MACROD2: variants seen among roughly 807,000 people sequenced by gnomAD.
MACROD2 encodes ADP-ribose glycohydrolase MACROD2.
Under a neutral mutation model 70.4 loss-of-function variants are expected in MACROD2, and 36 were observed. The ratio of observed to expected loss-of-function variants is 0.51; its 90% CI spans 0.39 to 0.68. The LOEUF (loss-of-function observed/expected upper bound fraction) is 0.68, where lower values mean the gene tolerates loss of function less well. MACROD2 is among the 30% of genes least tolerant of loss of function. The pLI is 0.00. For missense variants in MACROD2, 496 were observed against 538.4 expected (o/e 0.92, Z 0.78); for synonymous variants, 172 against 178.8 (o/e 0.96, Z 0.30).
intron 4 of MACROD2, among the ~76,000 whole-genome samples, chr20:14,643,634 G>C (rs1171817570): frequency 6.6e-6 from 1 of 152,150 alleles, no homozygotes; most frequent in Non-Finnish European, 1.5e-5. Flanking sequence ...TTAAAAGAAA[G>C]AGGAAAAGAA....
At chr20:15,811,000 G>A in intron 8 of MACROD2, among the ~76,000 whole-genome samples, 1 of 148,010 alleles carries the variant, frequency 6.8e-6, no homozygotes. Context: ...GAAAACCTAG[G>A]CATTACCATT....
At chr20:14,256,683 C>T (rs1360318762) in intron 3 of MACROD2, among the ~76,000 whole-genome samples, 1 of 152,104 alleles carries the variant, frequency 6.6e-6, no homozygotes, top group Admixed American at 6.6e-5. Context: ...TGGAAAGTTT[C>T]TTGTGTCTAG....
rs150082688 is a variant in MACROD2, at chr20:14,122,867, A to G, written c.271+37139A>G. The stretch of plus-strand genomic sequence containing the variant: ...TCTCATCCACACAGTGACTGTGTCT[A>G]TCTATCTGGCCCATAAAACTCCTTT... On this transcript the variant is annotated intron_variant, in intron 3 of 17. Coordinates refer to ENST00000684519, the MANE Select transcript of MACROD2 (RefSeq NM_001351661.2). Among the ~76,000 whole-genome samples, 1,167 of 152,226 alleles carry G rather than the reference A, an allele frequency of 7.7e-3. 33 individuals are homozygous for G. Among genetic ancestry groups the G allele is most frequent in the Non-Finnish European group, 6.7e-3 (456 of 68,022 alleles).
At chr20:14,955,246 T>C in intron 5 of MACROD2, among the ~76,000 whole-genome samples, 1 of 138,564 alleles carries the variant, frequency 7.2e-6, no homozygotes, top group East Asian at 2.1e-4. Flanking sequence ...TTATTATATA[T>C]AATTTATATA....
intron 8 of MACROD2, among the ~76,000 whole-genome samples, chr20:15,797,186 T>A (rs942202626): frequency 2.0e-5 from 3 of 152,150 alleles, no homozygotes; most frequent in African/African-American, 7.2e-5. Flanking sequence ...TGATCTCGGC[T>A]CACTGCAAGC....
chr20:14,862,041 A>ATATATATT lies in MACROD2; in HGVS notation c.418+177089_418+177090insTTATATAT, dbSNP rs1555839543. Among the ~76,000 whole-genome samples, 85 of 11,070 alleles carry ATATATATT rather than the reference A, an allele frequency of 7.7e-3. 9 individuals are homozygous for ATATATATT. Among genetic ancestry groups the ATATATATT allele is most frequent in the East Asian group, 0.026 (4 of 154 alleles). 7.3% of individuals were successfully genotyped at this position (11,070 alleles called of 152,430 possible). On this transcript the variant is annotated intron_variant, in intron 5 of 17. Transcript: ENST00000684519. ...TATTTATATATATTTATATATATTT[A>ATATATATT]TATATATATTTATATATATATAAAT...
At chr20:15,317,409 G>A (rs955284630) in intron 6 of MACROD2, among the ~76,000 whole-genome samples, 4 of 152,016 alleles carry the variant, frequency 2.6e-5, no homozygotes, top group Non-Finnish European at 4.4e-5. Context: ...ACTGACTCAA[G>A]AAGAAACATT....
chr20:14,691,098 A>C (rs994540623), intron 5 of MACROD2, among the ~76,000 whole-genome samples: 3 of 152,000 alleles, frequency 2.0e-5, no homozygotes, highest in Non-Finnish European at 2.9e-5. Flanking sequence ...TTGTATGTTT[A>C]CTAGAGCTGG....
chr20:14,031,571 T>C (rs746664117), intron 2 of MACROD2, among the ~76,000 whole-genome samples: 1 of 152,170 alleles, frequency 6.6e-6, no homozygotes, highest in Non-Finnish European at 1.5e-5. Flanking sequence ...TTGATTTATG[T>C]TGTGTGATGA....
intron 6 of MACROD2, among the ~76,000 whole-genome samples, chr20:15,328,025 A>G (rs977494771): frequency 7.2e-5 from 11 of 152,134 alleles, no homozygotes; most frequent in African/African-American, 2.7e-4. Flanking sequence ...GATAAGTAGA[A>G]TATATATTTT....
intron 5 of MACROD2, among the ~76,000 whole-genome samples, chr20:15,109,863 A>G (rs190580527): frequency 1.3e-5 from 2 of 152,130 alleles, no homozygotes; most frequent in African/African-American, 4.8e-5. Flanking sequence ...CATGAATAAT[A>G]TTTTTCACAA....
At chr20:15,396,409 G>A (rs755843744) in intron 6 of MACROD2, among the ~76,000 whole-genome samples, 8 of 152,180 alleles carry the variant, frequency 5.3e-5, no homozygotes, top group Non-Finnish European at 1.0e-4. Context: ...TCTCATGTGA[G>A]ATCGTATTTG....
chr20:15,516,932 A>T (rs540721456), intron 8 of MACROD2, among the ~76,000 whole-genome samples: 1 of 152,296 alleles, frequency 6.6e-6, no homozygotes, highest in African/African-American at 2.4e-5. Context: ...ACTTATGCTC[A>T]TCTTGACTTT....
chr20:15,402,498 A>T (rs1459727200), intron 6 of MACROD2, among the ~76,000 whole-genome samples: 3 of 152,244 alleles, frequency 2.0e-5, no homozygotes, highest in Non-Finnish European at 4.4e-5. Flanking sequence ...CAGGGGATTC[A>T]TAGGGATGGC....
chr20:14,249,127 G>A (rs1204763246), intron 3 of MACROD2, among the ~76,000 whole-genome samples: 2 of 124,320 alleles, frequency 1.6e-5, no homozygotes, highest in East Asian at 5.1e-4. Context: ...TGATTTCAAA[G>A]GTTTTTTTTT....
chr20:15,691,869 C>G (rs2050303406), intron 8 of MACROD2, among the ~76,000 whole-genome samples: 1 of 152,190 alleles, frequency 6.6e-6, no homozygotes, highest in African/African-American at 2.4e-5. Context: ...TTTTCTGAAT[C>G]TGTTCTCACC....
chr20:14,813,170 A>G (rs935487392), intron 5 of MACROD2, among the ~76,000 whole-genome samples: 1 of 151,914 alleles, frequency 6.6e-6, no homozygotes, highest in Non-Finnish European at 1.5e-5. Flanking sequence ...ATGAAAATTA[A>G]TAATTTCTTT....
rs988859939 is a variant in MACROD2, at chr20:14,703,947, C to G, written c.418+18988C>G. On this transcript the variant is annotated intron_variant, in intron 5 of 17. Coordinates refer to ENST00000684519, the MANE Select transcript of MACROD2 (RefSeq NM_001351661.2). ...TTTACCATATTCCCCAAACTGGTCT[C>G]GGACTCCTGACCTCAAGTGATCTGC... Among the ~76,000 whole-genome samples the G allele has an allele frequency of 2.6e-5, 4 of 151,978 alleles. No individual in the cohort carries two copies. In the East Asian group the frequency reaches 7.8e-4, roughly 30 times the overall value.
At chr20:14,038,061 G>A (rs1293081962) in intron 2 of MACROD2, among the ~76,000 whole-genome samples, 1 of 152,132 alleles carries the variant, frequency 6.6e-6, no homozygotes, top group Non-Finnish European at 1.5e-5. Flanking sequence ...TTGGGAGGCC[G>A]AGGCAGTGGA....
Sources: gnomAD v4.1 joint callset for allele counts (sites outside exome capture counted in the v4.1 genomes callset) on GRCh38, gnomAD v4.1.1 for gene constraint, MANE v1.5 for transcripts, NCBI Gene and HGNC (gene_info 2026-07-23, HGNC 2026-07-21) for gene names.